DUSP10: variants seen among roughly 807,000 people sequenced by gnomAD.
DUSP10 encodes the protein dual specificity phosphatase 10, also known as dual specificity protein phosphatase 10.
Under a neutral mutation model 30.8 loss-of-function variants are expected in DUSP10, and 14 were observed. The observed-to-expected ratio is 0.46, with a 90% CI of 0.30 to 0.71. The LOEUF is 0.71. DUSP10 is among the 30% of genes least tolerant of loss of function. The pLI is 0.08. For missense variants in DUSP10, 550 were observed against 619.4 expected (o/e 0.89, Z 1.19); for synonymous variants, 254 against 250.4 (o/e 1.01, Z -0.14).
intron 2 of DUSP10, among the ~76,000 whole-genome samples, chr1:221,715,134 A>C (rs1294158628): frequency 1.3e-5 from 2 of 152,198 alleles, no homozygotes; most frequent in Non-Finnish European, 2.9e-5. Flanking sequence ...CTTGTTTGAT[A>C]AAACCTTTGC....
chr1:221,717,514 C>T (rs1223857600), intron 2 of DUSP10, among the ~76,000 whole-genome samples: 2 of 152,180 alleles, frequency 1.3e-5, no homozygotes, highest in African/African-American at 4.8e-5. Flanking sequence ...AATTTACATA[C>T]ACTCCAAATC....
chr1:221,732,589 A>G (rs1222186991), intron 2 of DUSP10, among the ~76,000 whole-genome samples: 1 of 152,202 alleles, frequency 6.6e-6, no homozygotes, highest in Non-Finnish European at 1.5e-5. Flanking sequence ...CAGTCTGTTG[A>G]TATCTATTGA....
intron 2 of DUSP10, among the ~76,000 whole-genome samples, chr1:221,728,171 C>A (rs1661480558): frequency 6.6e-6 from 1 of 152,226 alleles, no homozygotes; most frequent in Non-Finnish European, 1.5e-5. Flanking sequence ...GCACCCTGCT[C>A]TTGCACTTCA....
intron 2 of DUSP10, among the ~76,000 whole-genome samples, chr1:221,726,585 T>C (rs1004258965): frequency 5.3e-5 from 8 of 152,142 alleles, no homozygotes; most frequent in Non-Finnish European, 7.3e-5. Flanking sequence ...TGTTTTTCTT[T>C]CTAAAATGTT....
At chr1:221,705,951 G>A (rs1338329555) in intron 3 of DUSP10, 144 bp downstream of exon 3, 3 of 1,067,556 alleles carry the variant, frequency 2.8e-6, no homozygotes. Flanking sequence ...GAATGCTTAG[G>A]CTGTTTCAGG....
intron 2 of DUSP10, chr1:221,737,121 A>G: frequency 1.0e-6 from 1 of 985,264 alleles, no homozygotes; most frequent in Non-Finnish European, 1.2e-6. Context: ...CCTATCCACA[A>G]CTCCACCCAC....
chr1:221,706,619 TAAAAC>T lies in DUSP10; in HGVS notation c.812-158_812-154del, dbSNP rs946487271. ...TAAGCAAAAAAAATAAAAATAAAAA[TAAAAC>T]AAAACAAAACAAAAACTAAAAGTCC... On this transcript the variant is annotated intron_variant, in intron 2 of 3. Transcript: ENST00000366899. The surrounding 1 kb of genome is among the most constrained non-coding windows in gnomAD (Gnocchi z 4.6). 5.9e-5 allele frequency among the ~76,000 whole-genome samples: 9 copies of T among 151,648 alleles called. No individual in the cohort carries two copies. Among genetic ancestry groups the T allele is most frequent in the African/African-American group, 1.7e-4 (7 of 41,256 alleles).
At chr1:221,703,578 T>C (rs1293338917) in intron 3 of DUSP10, among the ~76,000 whole-genome samples, 2 of 152,186 alleles carry the variant, frequency 1.3e-5, no homozygotes, top group Non-Finnish European at 2.9e-5. Flanking sequence ...GACATTCCAG[T>C]GTGGCAATAA....
At chr1:221,736,390 C>G (rs761780514) in intron 2 of DUSP10, among the ~76,000 whole-genome samples, 1 of 152,198 alleles carries the variant, frequency 6.6e-6, no homozygotes, top group Non-Finnish European at 1.5e-5. Flanking sequence ...CCCCCTCCCA[C>G]CAACTTCCCT....
chr1:221,706,380 C>T lies in DUSP10; in HGVS notation c.898G>A (p.Ala300Thr), dbSNP rs754145003. Reference protein sequence around the residue: ...LQECREVGGGASAASSLLPQP... With the variant: ...LQECREVGGGTSAASSLLPQP... ...GGTAGCAAGCTCGAGGCCGCGGATGCGCCGCCCCCCACCTCCCGGCACTCT... is the reference window on the plus strand; with the variant it reads ...GGTAGCAAGCTCGAGGCCGCGGATGTGCCGCCCCCCACCTCCCGGCACTCT... The change falls in exon 3 of 4, where the codon GCA (alanine) becomes ACA (threonine). Residue 300 changes from alanine (A) to threonine (T), a missense_variant. Transcript: ENST00000366899. The surrounding 1 kb of genome is among the most constrained non-coding windows in gnomAD (Gnocchi z 4.6). The T allele has an allele frequency of 9.5e-6, 15 of 1,584,570 alleles. No individual in the cohort carries two copies. The highest frequency in any genetic ancestry group is 6.9e-5 in the South Asian group (6 of 86,972).
intron 2 of DUSP10, among the ~76,000 whole-genome samples, chr1:221,722,315 A>AATGCCTC (rs779804110): frequency 3.4e-4 from 52 of 152,304 alleles, no homozygotes; most frequent in Non-Finnish European, 6.3e-4. Flanking sequence ...GTGAGAAGTG[A>AATGCCTC]ATGCCTCATG....
At position 221,736,877 on chromosome 1, in the gene DUSP10, G is replaced by A. The variant is rs529427633; in HGVS notation, c.811+2057C>T. On this transcript the variant is annotated intron_variant, in intron 2 of 3. Coordinates refer to ENST00000366899, the MANE Select transcript of DUSP10 (RefSeq NM_007207.6). ...CAGAGCATCTTCCAAGTCGACTGCC[G>A]CGGTGTCTCACCAACTCGAAAATGA... 3.0e-5 allele frequency: 30 copies of A among 985,416 alleles called. No homozygotes were observed. The South Asian group carries it at 7.5e-4, about 25-fold the overall frequency. The allele number at this position is 985,416 out of a possible 1,614,324, so 61.0% of individuals were successfully genotyped here.
intron 2 of DUSP10, among the ~76,000 whole-genome samples, chr1:221,715,498 C>T (rs1260643077): frequency 6.6e-6 from 1 of 152,170 alleles, no homozygotes; most frequent in Non-Finnish European, 1.5e-5. Flanking sequence ...TCTCTTGCCC[C>T]CCTCCTACCA....
intron 2 of DUSP10, among the ~76,000 whole-genome samples, chr1:221,735,539 T>A (rs1426206315): frequency 6.6e-6 from 1 of 152,254 alleles, no homozygotes; most frequent in East Asian, 1.9e-4. Flanking sequence ...CATTAAAACA[T>A]TATCTATATT....
At chr1:221,731,499 T>C (rs1201305853) in intron 2 of DUSP10, among the ~76,000 whole-genome samples, 1 of 152,154 alleles carries the variant, frequency 6.6e-6, no homozygotes, top group African/African-American at 2.4e-5. Flanking sequence ...CATATATATT[T>C]ATTTTTTCAT....
At chr1:221,726,381 A>G (rs12134869) in intron 2 of DUSP10, among the ~76,000 whole-genome samples, 18,622 of 152,216 alleles carry the variant, frequency 0.12, 1,214 homozygotes, top group African/African-American at 0.14. Context: ...AAATGTGGTA[A>G]TAAGACAGGT....
At position 221,740,607 on chromosome 1, in the gene DUSP10, A is replaced by G. The variant is rs560257948; in HGVS notation, c.-43-820T>C. Among the ~76,000 whole-genome samples the G allele has an allele frequency of 7.2e-5, 11 of 152,278 alleles. No individual in the cohort carries two copies. The South Asian group carries it at 2.3e-3, about 32-fold the overall frequency. On this transcript the variant is annotated intron_variant, in intron 1 of 3. Coordinates refer to ENST00000366899, the MANE Select transcript of DUSP10 (RefSeq NM_007207.6). ...CCCCCGCCCTCATTCCTGCCTGGAAAGGACAACTTGGGCTCTCCTCCCCTC... is the reference window on the plus strand; with the variant it reads ...CCCCCGCCCTCATTCCTGCCTGGAAGGGACAACTTGGGCTCTCCTCCCCTC...
intron 2 of DUSP10, among the ~76,000 whole-genome samples, chr1:221,712,302 G>C (rs930353404): frequency 6.6e-6 from 1 of 152,162 alleles, no homozygotes; most frequent in Non-Finnish European, 1.5e-5. Flanking sequence ...AACAGAGGCA[G>C]AGAGAGTTGA....
chr1:221,739,753 T>C lies in DUSP10; in HGVS notation c.-9A>G. On this transcript the variant is annotated 5_prime_UTR_variant, in exon 2 of 4. Coordinates refer to ENST00000366899, the MANE Select transcript of DUSP10 (RefSeq NM_007207.6). Reference sequence around the variant, plus strand: ...AAAGGAGACGGAGGCATGAGGAGGCTGAAAACTGGCAATTCAAGAAGAACT... The same window carrying C: ...AAAGGAGACGGAGGCATGAGGAGGCCGAAAACTGGCAATTCAAGAAGAACT... 2 of 1,559,850 alleles carry C rather than the reference T, an allele frequency of 1.3e-6. No homozygotes were observed. Among genetic ancestry groups the C allele is most frequent in the Non-Finnish European group, 1.7e-6 (2 of 1,153,214 alleles).
Sources: gnomAD v4.1 joint callset for allele counts (sites outside exome capture counted in the v4.1 genomes callset) on GRCh38, gnomAD v4.1.1 for gene constraint, Gnocchi (gnomAD v3.1) non-coding constraint, MANE v1.5 for transcripts, NCBI Gene and HGNC (gene_info 2026-07-23, HGNC 2026-07-21) for gene names.